Variants in MEIKIN observed in about 807,000 individuals in gnomAD.
MEIKIN encodes the protein meiosis-specific kinetochore protein.
intron 8 of MEIKIN, among the ~76,000 whole-genome samples, chr5:131,909,555 A>G (rs1469485368): frequency 6.6e-6 from 1 of 152,186 alleles, no homozygotes; most frequent in Non-Finnish European, 1.5e-5. Context: ...CCAAAGCAAA[A>G]TTACAAATGA....
At chr5:131,941,345 G>T (rs1394524810) in intron 4 of MEIKIN, among the ~76,000 whole-genome samples, 1 of 151,478 alleles carries the variant, frequency 6.6e-6, no homozygotes, top group Admixed American at 6.6e-5. Context: ...TTTTAGTAGA[G>T]ACGGGGTTTC....
intron 9 of MEIKIN, among the ~76,000 whole-genome samples, chr5:131,855,760 T>A (rs1337959162): frequency 2.0e-5 from 3 of 148,850 alleles, no homozygotes; most frequent in Non-Finnish European, 3.0e-5. Context: ...GTGAGAGAGA[T>A]CAAGACAGAG....
chr5:131,823,934 T>C (rs1452776363), intron 11 of MEIKIN, among the ~76,000 whole-genome samples: 1 of 152,228 alleles, frequency 6.6e-6, no homozygotes, highest in Non-Finnish European at 1.5e-5. Context: ...ACCTTGGTAG[T>C]GTTGGATAAG....
chr5:131,872,628 C>G (rs1052474124), intron 9 of MEIKIN, among the ~76,000 whole-genome samples: 4 of 152,038 alleles, frequency 2.6e-5, no homozygotes, highest in African/African-American at 7.2e-5. Flanking sequence ...CCAACATTCA[C>G]ATTCAGGAAA....
At chr5:131,924,436 C>A (rs1751556269) in intron 5 of MEIKIN, among the ~76,000 whole-genome samples, 1 of 152,144 alleles carries the variant, frequency 6.6e-6, no homozygotes, top group African/African-American at 2.4e-5. Flanking sequence ...ACATTCCCAC[C>A]AACAGTGTAC....
chr5:131,874,043 G>A, intron 9 of MEIKIN, among the ~76,000 whole-genome samples: 1 of 152,130 alleles, frequency 6.6e-6, no homozygotes, highest in East Asian at 1.9e-4. Flanking sequence ...GAGAAAGCAG[G>A]AAAGATCTAA....
In MEIKIN at chr5:131,920,171, T is replaced by C. The variant is rs79450694; in HGVS notation, c.598+1651A>G. ...CTGAAACTACTCTATACATATATAC[T>C]AGAAATAAATAAATAAATGAACGAA... On this transcript the variant is annotated intron_variant, in intron 6 of 12. Transcript: ENST00000442687. Among the ~76,000 whole-genome samples the C allele has an allele frequency of 4.6e-3, 706 of 152,278 alleles. 9 individuals are homozygous for C. The highest frequency in any genetic ancestry group is 0.016 in the African/African-American group (666 of 41,554).
chr5:131,831,325 A>C (rs1304833965), intron 11 of MEIKIN, among the ~76,000 whole-genome samples: 1 of 152,196 alleles, frequency 6.6e-6, no homozygotes, highest in African/African-American at 2.4e-5. Flanking sequence ...CAAGGCAGTA[A>C]GACTGCTTGA....
chr5:131,864,315 T>C (rs1561736763), intron 9 of MEIKIN, among the ~76,000 whole-genome samples: 1 of 152,194 alleles, frequency 6.6e-6, no homozygotes, highest in Non-Finnish European at 1.5e-5. Context: ...TCCTCCTCCT[T>C]TGTGTGTTTG....
chr5:131,898,329 T>C (rs1751089429), intron 8 of MEIKIN, among the ~76,000 whole-genome samples: 2 of 152,118 alleles, frequency 1.3e-5, no homozygotes, highest in African/African-American at 2.4e-5. Context: ...CTATATGAGG[T>C]GTCTATTGGC....
At chr5:131,938,165 CTTTT>C (rs3043872) in intron 4 of MEIKIN, among the ~76,000 whole-genome samples, 1 of 126,624 alleles carries the variant, frequency 7.9e-6, no homozygotes. Context: ...CCCTCACCCC[CTTTT>C]TTTTTTTTTT....
At chr5:131,944,481 T>C (rs1751927277) in intron 3 of MEIKIN, 184 bp downstream of exon 3, 2 of 388,878 alleles carry the variant, frequency 5.1e-6, no homozygotes, top group South Asian at 1.4e-4. Context: ...TGCATGACTA[T>C]GAATCTACCC....
chr5:131,843,873 C>T (rs1439908685), intron 11 of MEIKIN, among the ~76,000 whole-genome samples: 1 of 152,188 alleles, frequency 6.6e-6, no homozygotes, highest in Non-Finnish European at 1.5e-5. Flanking sequence ...TGCCCCATTT[C>T]TCTGATATCA....
intron 12 of MEIKIN, 67 bp from the exon 13 acceptor site, chr5:131,807,325 C>A: frequency 2.5e-6 from 1 of 397,680 alleles, no homozygotes; most frequent in South Asian, 1.3e-4. Flanking sequence ...TACTAATAAC[C>A]AGTCTGCAGG....
intron 9 of MEIKIN, among the ~76,000 whole-genome samples, chr5:131,867,958 G>A (rs974662654): frequency 6.6e-6 from 1 of 152,168 alleles, no homozygotes; most frequent in Non-Finnish European, 1.5e-5. Context: ...ATTTTCCAAA[G>A]TGACTGTATC....
At chr5:131,842,602 T>G (rs868829057) in intron 11 of MEIKIN, among the ~76,000 whole-genome samples, 3 of 152,226 alleles carry the variant, frequency 2.0e-5, no homozygotes, top group Non-Finnish European at 4.4e-5. Context: ...TTTGTTGATT[T>G]TTTTTTGCAA....
At chr5:131,899,092 C>T (rs1369048335) in intron 8 of MEIKIN, among the ~76,000 whole-genome samples, 1 of 152,116 alleles carries the variant, frequency 6.6e-6, no homozygotes, top group African/African-American at 2.4e-5. Flanking sequence ...ATTAGAAAGA[C>T]TAAATGATGA....
intron 11 of MEIKIN, among the ~76,000 whole-genome samples, chr5:131,837,146 CT>C (rs1749822452): frequency 6.6e-6 from 1 of 152,044 alleles, no homozygotes; most frequent in Non-Finnish European, 1.5e-5. Context: ...CCTTTGCTTG[CT>C]TTTCTCAGCT....
At chr5:131,891,467 T>C (rs1045006665) in intron 8 of MEIKIN, among the ~76,000 whole-genome samples, 26 of 152,264 alleles carry the variant, frequency 1.7e-4, no homozygotes, top group Non-Finnish European at 3.2e-4. Context: ...TTTACCATTA[T>C]GTAATGGCCT....
Sources: gnomAD v4.1 joint callset for allele counts (sites outside exome capture counted in the v4.1 genomes callset) on GRCh38, gnomAD v4.1.1 for gene constraint, MANE v1.5 for transcripts, NCBI Gene and HGNC (gene_info 2026-07-23, HGNC 2026-07-21) for gene names.